CAMTA1: variants seen among roughly 807,000 people sequenced by gnomAD.
The protein encoded by CAMTA1 is calmodulin binding transcription activator 1, also known as calmodulin-binding transcription activator 1.
A neutral mutation model predicts 170.9 loss-of-function variants in CAMTA1; 27 were observed. The ratio of observed to expected loss-of-function variants is 0.16; its 90% confidence interval spans 0.12 to 0.22. The LOEUF (loss-of-function observed/expected upper bound fraction) is 0.22, where lower values mean the gene tolerates loss of function less well. Ranked by LOEUF, CAMTA1 falls within the 10% of genes least tolerant of loss-of-function variation. CAMTA1 has a pLI of 1.00. For missense variants in CAMTA1, 1,619 were observed against 2,217.2 expected (o/e 0.73, Z 5.42); for synonymous variants, 833 against 891.5 (o/e 0.93, Z 1.17).
At chr1:7,001,898 T>TTC (rs1553212997) in intron 3 of CAMTA1, among the ~76,000 whole-genome samples, 30,002 of 108,974 alleles carry the variant, frequency 0.28, 2,828 homozygotes, top group African/African-American at 0.4. Context: ...CTTCTTCTTC[T>TTC]TTTTTTTTTT....
chr1:7,117,272 A>G (rs141095131), intron 4 of CAMTA1, among the ~76,000 whole-genome samples: 1,966 of 152,274 alleles, frequency 0.013, 43 homozygotes, highest in African/African-American at 0.045. Flanking sequence ...CACCTGGCCT[A>G]TCTTTCTTTT....
At chr1:7,563,942 AG>A (rs1163151927) in intron 6 of CAMTA1, among the ~76,000 whole-genome samples, 7 of 151,642 alleles carry the variant, frequency 4.6e-5, no homozygotes, top group Non-Finnish European at 1.5e-5. Flanking sequence ...CTGCAGAGGG[AG>A]GGTAAAGCGA....
At chr1:6,794,870 T>C (rs1168957761) in intron 1 of CAMTA1, among the ~76,000 whole-genome samples, 1 of 151,658 alleles carries the variant, frequency 6.6e-6, no homozygotes, top group Non-Finnish European at 1.5e-5. Flanking sequence ...ATTACATCAT[T>C]AGATAAAGGC....
intron 3 of CAMTA1, among the ~76,000 whole-genome samples, chr1:6,987,277 C>A (rs1185647758): frequency 1.3e-5 from 2 of 152,124 alleles, no homozygotes; most frequent in African/African-American, 4.8e-5. Flanking sequence ...ATTCTTCTGC[C>A]TCAGCCTCCC....
chr1:7,676,813 T>G (rs370608459), intron 10 of CAMTA1, among the ~76,000 whole-genome samples: 3 of 152,202 alleles, frequency 2.0e-5, no homozygotes, highest in African/African-American at 7.2e-5. Flanking sequence ...ACATGAGCCA[T>G]GGAGAGGCAA....
At chr1:7,038,062 G>A (rs1380894645) in intron 3 of CAMTA1, among the ~76,000 whole-genome samples, 1 of 152,090 alleles carries the variant, frequency 6.6e-6, no homozygotes. Flanking sequence ...ATGAGGCTAC[G>A]TTAGTGCCTA....
At chr1:6,787,389 G>A (rs1639714154) in intron 1 of CAMTA1, among the ~76,000 whole-genome samples, 1 of 152,174 alleles carries the variant, frequency 6.6e-6, no homozygotes, top group Non-Finnish European at 1.5e-5. Flanking sequence ...TTCAGAAGGG[G>A]GAATTTGAAT....
chr1:6,911,391 T>C (rs1679649750), intron 3 of CAMTA1, among the ~76,000 whole-genome samples: 1 of 152,206 alleles, frequency 6.6e-6, no homozygotes, highest in Non-Finnish European at 1.5e-5. Context: ...TGAGCCATCC[T>C]CCTGCCTGTG....
chr1:7,277,391 A>G (rs1670869092), intron 5 of CAMTA1, among the ~76,000 whole-genome samples: 1 of 151,958 alleles, frequency 6.6e-6, no homozygotes, highest in African/African-American at 2.4e-5. Flanking sequence ...GGTAGATTTC[A>G]GGGTTCAGTT....
chr1:7,350,355 C>G (rs1478581652), intron 5 of CAMTA1, among the ~76,000 whole-genome samples: 1 of 152,226 alleles, frequency 6.6e-6, no homozygotes, highest in East Asian at 1.9e-4. Context: ...CGCCAGGTCC[C>G]CTGAGACCCT....
At chr1:7,600,678 A>G (rs1427228431) in intron 6 of CAMTA1, among the ~76,000 whole-genome samples, 1 of 151,838 alleles carries the variant, frequency 6.6e-6, no homozygotes, top group Non-Finnish European at 1.5e-5. Flanking sequence ...GGGAGTGGTG[A>G]TGACTCTTAA....
At chr1:7,709,165 G>A (rs1222513063) in intron 11 of CAMTA1, among the ~76,000 whole-genome samples, 1 of 152,138 alleles carries the variant, frequency 6.6e-6, no homozygotes, top group Non-Finnish European at 1.5e-5. Context: ...TATTAATGAA[G>A]CTTTTTTTCT....
chr1:7,272,692 C>CAAAAAAAAAAAAAAAAA (rs371588178), intron 5 of CAMTA1, among the ~76,000 whole-genome samples: 48 of 38,802 alleles, frequency 1.2e-3, no homozygotes, highest in South Asian at 1.8e-3. Context: ...TAAACACATG[C>CAAAAAAAAAAAAAAAAA]AAAAAAAAAA....
intron 6 of CAMTA1, among the ~76,000 whole-genome samples, chr1:7,525,464 G>A (rs1159094314): frequency 1.3e-5 from 2 of 151,908 alleles, no homozygotes; most frequent in Non-Finnish European, 2.9e-5. Context: ...TTTAATCAAG[G>A]GAACAATTTC....
At chr1:7,485,173 G>A (rs531501892) in intron 6 of CAMTA1, among the ~76,000 whole-genome samples, 1 of 152,296 alleles carries the variant, frequency 6.6e-6, no homozygotes, top group Non-Finnish European at 1.5e-5. Context: ...CTGGCCAATG[G>A]CCTCCCTGTG....
chr1:6,884,328 AC>A (rs1557762013), intron 3 of CAMTA1, among the ~76,000 whole-genome samples: 27 of 145,314 alleles, frequency 1.9e-4, no homozygotes, highest in South Asian at 2.3e-4. Context: ...ACACACACAC[AC>A]ACACACAATT....
rs1386608043 is a variant in CAMTA1, at chr1:7,050,514, T to TCA, written c.235-40790_235-40789insCA. ...CTGCATCAAACACATCGCGGGGGTGTGGAGTCTAGGGCTGAAGTCACGGGG... is the reference window on the plus strand; with the variant it reads ...CTGCATCAAACACATCGCGGGGGTGTCAGGAGTCTAGGGCTGAAGTCACGGGG... On this transcript the variant is annotated intron_variant, in intron 3 of 22. Coordinates refer to ENST00000303635, the MANE Select transcript of CAMTA1 (RefSeq NM_015215.4). The surrounding 1 kb of genome is among the most constrained non-coding windows in gnomAD (Gnocchi z 4.8). Among the ~76,000 whole-genome samples the TCA allele has an allele frequency of 2.6e-5, 4 of 151,984 alleles. No individual in the cohort carries two copies. Among genetic ancestry groups the TCA allele is most frequent in the African/African-American group, 7.2e-5 (3 of 41,380 alleles).
chr1:7,337,543 C>CCTCATCCAATCACAG lies in CAMTA1; in HGVS notation c.438+87917_438+87918insCTCATCCAATCACAG, dbSNP rs1472835929. Among the ~76,000 whole-genome samples the CCTCATCCAATCACAG allele has an allele frequency of 1.3e-3, 167 of 131,864 alleles. 21 individuals are homozygous for CCTCATCCAATCACAG. Among genetic ancestry groups the CCTCATCCAATCACAG allele is most frequent in the African/African-American group, 4.0e-3 (129 of 32,140 alleles). The allele number at this position is 131,864 out of a possible 152,430, so 86.5% of individuals were successfully genotyped here. A position where few individuals can be genotyped will look rare whatever the true frequency, so the allele number is the denominator to read the frequency against. The stretch of plus-strand genomic sequence containing the variant: ...ATCCAATCACAGTGTGGGCCGTGGG[C>CCTCATCCAATCACAG]TGCATCCAATCACAGTGTGGGCAGT... On this transcript the variant is annotated intron_variant, in intron 5 of 22. Transcript: ENST00000303635.
chr1:6,991,488 C>G (rs1362280353), intron 3 of CAMTA1, among the ~76,000 whole-genome samples: 2 of 152,144 alleles, frequency 1.3e-5, no homozygotes, highest in Non-Finnish European at 2.9e-5. Context: ...ATGGTATTTT[C>G]CATGTGTTTA....
Sources: gnomAD v4.1 joint callset for allele counts (sites outside exome capture counted in the v4.1 genomes callset) on GRCh38, gnomAD v4.1.1 for gene constraint, Gnocchi (gnomAD v3.1) non-coding constraint, MANE v1.5 for transcripts, NCBI Gene and HGNC (gene_info 2026-07-23, HGNC 2026-07-21) for gene names.